BBS9: variants seen among roughly 807,000 people sequenced by gnomAD.
The protein encoded by BBS9 is Bardet-Biedl syndrome 9, also known as protein PTHB1.
A neutral mutation model predicts 117.7 loss-of-function variants in BBS9; 89 were observed. The observed-to-expected ratio is 0.76, with a 90% CI of 0.64 to 0.90. The LOEUF is 0.90. BBS9 is among the 40% of genes least tolerant of loss of function. The probability of loss-of-function intolerance (pLI) is 0.00; values close to 1 mark genes in which losing one functional copy is unlikely to be tolerated. For synonymous variants in BBS9, 379 were observed against 370.9 expected (o/e 1.02, Z -0.25); for missense variants, 982 against 1,042.2 (o/e 0.94, Z 0.80).
chr7:33,433,425 G>A (rs564565201), intron 19 of BBS9, among the ~76,000 whole-genome samples: 11 of 152,280 alleles, frequency 7.2e-5, no homozygotes, highest in Admixed American at 6.5e-4. Context: ...TTCCCATACC[G>A]TGATCCAGCA....
At chr7:33,598,746 T>G (rs1863321418) in intron 21 of BBS9, among the ~76,000 whole-genome samples, 1 of 152,200 alleles carries the variant, frequency 6.6e-6, no homozygotes, top group South Asian at 2.1e-4. Context: ...CTTTCAAACT[T>G]ATGATAATAA....
At chr7:33,398,476 A>G (rs987977597) in intron 19 of BBS9, among the ~76,000 whole-genome samples, 2 of 152,246 alleles carry the variant, frequency 1.3e-5, no homozygotes, top group Non-Finnish European at 2.9e-5. Context: ...TTCTCAGCCA[A>G]ACAAGAGCAA....
chr7:33,402,831 A>C (rs1479078576), intron 19 of BBS9, among the ~76,000 whole-genome samples: 1 of 151,456 alleles, frequency 6.6e-6, no homozygotes, highest in Non-Finnish European at 1.5e-5. Context: ...TAGTTTTTCA[A>C]CTCTTACCTC....
intron 9 of BBS9, among the ~76,000 whole-genome samples, chr7:33,293,734 GTACTC>G (rs1562949536): frequency 1.3e-5 from 2 of 152,044 alleles, no homozygotes; most frequent in African/African-American, 4.8e-5. Flanking sequence ...ATTAGACTCA[GTACTC>G]TAGTTAAATC....
At chr7:33,274,522 G>C (rs1800378407) in intron 9 of BBS9, among the ~76,000 whole-genome samples, 2 of 152,144 alleles carry the variant, frequency 1.3e-5, no homozygotes, top group South Asian at 2.1e-4. Flanking sequence ...ATCTAAGTGA[G>C]TAATTTTTCT....
intron 20 of BBS9, among the ~76,000 whole-genome samples, chr7:33,507,435 A>T (rs1846304916): frequency 1.3e-5 from 2 of 151,932 alleles, no homozygotes; most frequent in South Asian, 4.2e-4. Flanking sequence ...ATAGAGACAG[A>T]GTTTCACTGT....
intron 4 of BBS9, among the ~76,000 whole-genome samples, chr7:33,169,101 C>A (rs1174687158): frequency 2.6e-5 from 4 of 151,872 alleles, no homozygotes; most frequent in African/African-American, 4.8e-5. Context: ...GAGAATGATG[C>A]TTTCCAATTT....
chr7:33,573,502 TAAGC>T (rs2129142801), intron 21 of BBS9, among the ~76,000 whole-genome samples: 1 of 152,248 alleles, frequency 6.6e-6, no homozygotes, highest in Admixed American at 6.6e-5. Flanking sequence ...TATTCTTGTC[TAAGC>T]TTTATAGTTC....
chr7:33,527,621 A>G lies in BBS9; in HGVS notation c.2299-6333A>G, dbSNP rs968576649. Among the ~76,000 whole-genome samples, 320 of 152,266 alleles carry G rather than the reference A, an allele frequency of 2.1e-3. 3 individuals are homozygous for G. Among genetic ancestry groups the G allele is most frequent in the South Asian group, 0.01 (49 of 4,816 alleles). On this transcript the variant is annotated intron_variant, in intron 20 of 22. Transcript: ENST00000242067. Reference sequence around the variant, plus strand: ...CTGCTTCGGCTCGCGCACGGTGCGCACACCCACTGACCTGCGCCCACTGTC... The same window carrying G: ...CTGCTTCGGCTCGCGCACGGTGCGCGCACCCACTGACCTGCGCCCACTGTC...
intron 9 of BBS9, among the ~76,000 whole-genome samples, chr7:33,319,273 A>G (rs188169799): frequency 6.6e-6 from 1 of 152,012 alleles, no homozygotes; most frequent in East Asian, 1.9e-4. Context: ...TATGTACCAC[A>G]GTTTCTTTAT....
chr7:33,171,742 TCAGA>T (rs1279674704), intron 4 of BBS9, among the ~76,000 whole-genome samples: 4 of 152,300 alleles, frequency 2.6e-5, no homozygotes, highest in Middle Eastern at 3.4e-3. Flanking sequence ...TATAAATGAC[TCAGA>T]CATTTTATGA....
At chr7:33,561,562 T>C (rs931253110) in intron 21 of BBS9, among the ~76,000 whole-genome samples, 1 of 152,120 alleles carries the variant, frequency 6.6e-6, no homozygotes, top group African/African-American at 2.4e-5. Flanking sequence ...GGGAATGATA[T>C]GAGGAGGAAG....
chr7:33,135,606 G>A (rs976434195), intron 1 of BBS9, among the ~76,000 whole-genome samples: 2 of 152,222 alleles, frequency 1.3e-5, no homozygotes, highest in Non-Finnish European at 2.9e-5. Context: ...ATATGGGGAA[G>A]TGTGAGTTCT....
chr7:33,347,908 C>A (rs1225423486), intron 12 of BBS9, among the ~76,000 whole-genome samples: 1 of 151,770 alleles, frequency 6.6e-6, no homozygotes, highest in Non-Finnish European at 1.5e-5. Flanking sequence ...GAAAAGGTAC[C>A]ATATAGAATG....
At chr7:33,352,320 A>G (rs1358871512) in intron 14 of BBS9, among the ~76,000 whole-genome samples, 1 of 151,610 alleles carries the variant, frequency 6.6e-6, no homozygotes, top group Non-Finnish European at 1.5e-5. Flanking sequence ...CAGAATTTAG[A>G]AGATTACTAA....
intron 2 of BBS9, among the ~76,000 whole-genome samples, chr7:33,152,018 C>A (rs954814220): frequency 6.6e-6 from 1 of 152,164 alleles, no homozygotes; most frequent in African/African-American, 2.4e-5. Context: ...CCACTGCACT[C>A]AGCTTTGCAT....
chr7:33,155,817 T>C, intron 4 of BBS9, 115 bp downstream of exon 4: 1 of 613,366 alleles, frequency 1.6e-6, no homozygotes, highest in Non-Finnish European at 2.9e-6. Flanking sequence ...TTTAGTTGAA[T>C]GTTTTCTTGT....
At chr7:33,188,079 A>AGTGTGTGTGTGTGTGT in intron 5 of BBS9, among the ~76,000 whole-genome samples, 1 of 51,906 alleles carries the variant, frequency 1.9e-5, no homozygotes, top group Non-Finnish European at 4.0e-5. Context: ...TAGTTGAGTG[A>AGTGTGTGTGTGTGTGT]ATGTGTGTGT....
intron 9 of BBS9, chr7:33,314,502 G>C (rs1321653790): frequency 5.4e-6 from 1 of 183,908 alleles, no homozygotes; most frequent in African/African-American, 2.4e-5. Context: ...TAAAAGAGTT[G>C]GTTATATTTT....
Sources: gnomAD v4.1 joint callset for allele counts (sites outside exome capture counted in the v4.1 genomes callset) on GRCh38, gnomAD v4.1.1 for gene constraint, MANE v1.5 for transcripts, NCBI Gene and HGNC (gene_info 2026-07-23, HGNC 2026-07-21) for gene names.